CYB5R4: variants seen among roughly 807,000 people sequenced by gnomAD.
CYB5R4 encodes cytochrome b5 reductase 4, also known as N-terminal cytochrome b5 and cytochrome b5 oxidoreductase domain-containing protein.
A neutral mutation model predicts 70.2 loss-of-function variants in CYB5R4; 55 were observed. The observed-to-expected ratio is 0.78, with a 90% confidence interval of 0.63 to 0.98. CYB5R4 has a LOEUF of 0.98. Among genes scored for constraint, CYB5R4 ranks in the 50% least tolerant of loss-of-function variants. The pLI is 0.00. For missense variants in CYB5R4, 562 were observed against 612.6 expected, an observed-to-expected ratio of 0.92 and a Z score of 0.87; for synonymous variants, 197 against 199.5, an observed-to-expected ratio of 0.99 and a Z score of 0.11.
In CYB5R4 at chr6:83,888,008, T is replaced by A. The variant is rs548031132; in HGVS notation, c.230-5514T>A. Among the ~76,000 whole-genome samples the A allele has an allele frequency of 2.6e-5, 4 of 152,242 alleles. No individual in the cohort carries two copies. The East Asian group carries it at 7.7e-4, about 29-fold the overall frequency. Reference sequence around the variant, plus strand: ...GCCCATTTTTGCTGTTAATTATTATTAGGATTTAGGTTTTGCAGAACTCAC... The same window carrying A: ...GCCCATTTTTGCTGTTAATTATTATAAGGATTTAGGTTTTGCAGAACTCAC... On this transcript the variant is annotated intron_variant, in intron 2 of 15. Coordinates refer to ENST00000369681, the MANE Select transcript of CYB5R4 (RefSeq NM_016230.4).
At chr6:83,861,560 A>G (rs2099455936) in intron 1 of CYB5R4, among the ~76,000 whole-genome samples, 1 of 152,060 alleles carries the variant, frequency 6.6e-6, no homozygotes, top group Admixed American at 6.6e-5. Flanking sequence ...TTCTCTGGGT[A>G]CTCTGGTTTC....
At chr6:83,909,292 T>G (rs942744642) in intron 4 of CYB5R4, among the ~76,000 whole-genome samples, 2 of 152,244 alleles carry the variant, frequency 1.3e-5, no homozygotes, top group African/African-American at 2.4e-5. Context: ...TCGACTGTTG[T>G]TTAGAGAAAG....
intron 2 of CYB5R4, 114 bp from the exon 3 acceptor site, chr6:83,893,406 AAC>A (rs1345440818): frequency 1.3e-5 from 8 of 626,788 alleles, no homozygotes; most frequent in Non-Finnish European, 2.2e-5. Context: ...ACTTTGAAAT[AAC>A]AGTGATTAAT....
chr6:83,956,597 T>TCTTA (rs1221061274), intron 15 of CYB5R4, among the ~76,000 whole-genome samples: 1 of 152,138 alleles, frequency 6.6e-6, no homozygotes, highest in African/African-American at 2.4e-5. Flanking sequence ...GGTACTAGAC[T>TCTTA]CTTAGTTAAC....
intron 14 of CYB5R4, among the ~76,000 whole-genome samples, chr6:83,947,391 A>G (rs1275533399): frequency 1.3e-5 from 2 of 152,180 alleles, no homozygotes; most frequent in Non-Finnish European, 2.9e-5. Context: ...CTTACACCTT[A>G]TGCAAAAATT....
At chr6:83,882,466 T>C (rs1166703562) in intron 2 of CYB5R4, among the ~76,000 whole-genome samples, 1 of 152,178 alleles carries the variant, frequency 6.6e-6, no homozygotes. Flanking sequence ...TTGTGTCCAG[T>C]CGAGTTAATT....
Position 83,962,408 on chromosome 6 carries a change from A to G in CYB5R4, c.*2530A>G, listed in dbSNP as rs185315220. On this transcript the variant is annotated 3_prime_UTR_variant, in exon 16 of 16. Transcript: ENST00000369681. ...AGTTTATCACTGTTATTCTCAAGCA[A>G]ATAACTCAAAGACTCCTACATCACA... The G allele has an allele frequency of 2.6e-5, 4 of 152,338 alleles. No individual in the cohort carries two copies. The highest frequency in any genetic ancestry group is 6.5e-5 in the Admixed American group (1 of 15,298). The allele number at this position is 152,338 out of a possible 1,614,324, so 9.4% of individuals were successfully genotyped here.
At chr6:83,887,857 C>T (rs1174556412) in intron 2 of CYB5R4, among the ~76,000 whole-genome samples, 1 of 151,932 alleles carries the variant, frequency 6.6e-6, no homozygotes, top group African/African-American at 2.4e-5. Context: ...TCCCTAAATC[C>T]CCCCTTTGCC....
At chr6:83,872,666 C>A (rs2099457815) in intron 2 of CYB5R4, among the ~76,000 whole-genome samples, 1 of 152,088 alleles carries the variant, frequency 6.6e-6, no homozygotes, top group East Asian at 1.9e-4. Context: ...AAACTTCAAC[C>A]CTAGTTATTT....
chr6:83,901,666 C>G (rs2099462987), intron 3 of CYB5R4, among the ~76,000 whole-genome samples: 1 of 151,414 alleles, frequency 6.6e-6, no homozygotes, highest in Non-Finnish European at 1.5e-5. Context: ...TTTCTGAGTT[C>G]CCTTTTCTTT....
rs181047639 is a variant in CYB5R4, at chr6:83,962,403, A to C, written c.*2525A>C. ...AGTATAGTTTATCACTGTTATTCTC[A>C]AGCAAATAACTCAAAGACTCCTACA... On this transcript the variant is annotated 3_prime_UTR_variant, in exon 16 of 16. Transcript: ENST00000369681. 4.6e-5 allele frequency: 7 copies of C among 152,364 alleles called. No individual in the cohort carries two copies. Among genetic ancestry groups the C allele is most frequent in the African/African-American group, 1.7e-4 (7 of 41,588 alleles). The allele number at this position is 152,364 out of a possible 1,614,324, so 9.4% of individuals were successfully genotyped here.
chr6:83,939,991 G>T lies in CYB5R4; in HGVS notation c.1109-65G>T, dbSNP rs151320490. 7 of 1,233,258 alleles carry T rather than the reference G, an allele frequency of 5.7e-6. No homozygotes were observed. The Admixed American group carries it at 1.2e-4, about 21-fold the overall frequency. 76.4% of individuals were successfully genotyped at this position (1,233,258 alleles called of 1,614,324 possible). A position where few individuals can be genotyped will look rare whatever the true frequency, so the allele number is the denominator to read the frequency against. Reference sequence around the variant, plus strand: ...CTAGTTTTGGCTTCTTAGTTTCCCCGCTGGGTTTTTTGTTTTGTTTTTTGT... The same window carrying T: ...CTAGTTTTGGCTTCTTAGTTTCCCCTCTGGGTTTTTTGTTTTGTTTTTTGT... On this transcript the variant is annotated intron_variant, in intron 12 of 15. Transcript: ENST00000369681.
At chr6:83,896,036 T>C (rs955723665) in intron 3 of CYB5R4, among the ~76,000 whole-genome samples, 1 of 152,194 alleles carries the variant, frequency 6.6e-6, no homozygotes, top group Non-Finnish European at 1.5e-5. Context: ...TCAAATAATA[T>C]CAAGTCATTT....
intron 9 of CYB5R4, 42 bp from the exon 10 acceptor site, chr6:83,924,428 T>G: frequency 6.2e-7 from 1 of 1,600,340 alleles, no homozygotes. Flanking sequence ...AAATCTTGTA[T>G]TTAGTATCGA....
chr6:83,900,066 C>A (rs1007768187), intron 3 of CYB5R4, among the ~76,000 whole-genome samples: 18 of 152,194 alleles, frequency 1.2e-4, no homozygotes, highest in African/African-American at 4.1e-4. Flanking sequence ...GTTAGGGTGT[C>A]AATTTTGGAT....
intron 2 of CYB5R4, among the ~76,000 whole-genome samples, chr6:83,888,246 C>T (rs2099460560): frequency 6.6e-6 from 1 of 152,146 alleles, no homozygotes; most frequent in Non-Finnish European, 1.5e-5. Flanking sequence ...GAACCTTACA[C>T]ATGAGAGATT....
At position 83,893,508 on chromosome 6, in the gene CYB5R4, T is replaced by G. The variant is rs2099461445; in HGVS notation, c.230-14T>G. 6.7e-7 allele frequency: 1 copy of G among 1,501,500 alleles called. No individual in the cohort carries two copies. The highest frequency in any genetic ancestry group is 1.4e-5 in the African/African-American group (1 of 71,884). The allele number at this position is 1,501,500 out of a possible 1,614,324, so 93.0% of individuals were successfully genotyped here. A position where few individuals can be genotyped will look rare whatever the true frequency, so the allele number is the denominator to read the frequency against. ...AGTTCATTTAGGATATTATTTCTGT[T>G]TGCTTTGGTACAGGTTTCGTTTATA... On this transcript the variant is annotated splice_polypyrimidine_tract_variant and intron_variant, in intron 2 of 15. Coordinates refer to ENST00000369681, the MANE Select transcript of CYB5R4 (RefSeq NM_016230.4).
At chr6:83,862,248 A>G (rs1435056300) in intron 1 of CYB5R4, among the ~76,000 whole-genome samples, 1 of 152,228 alleles carries the variant, frequency 6.6e-6, no homozygotes. Flanking sequence ...GTGACACAGA[A>G]TATGCACTCA....
At chr6:83,942,342 G>C (rs948457117) in intron 14 of CYB5R4, among the ~76,000 whole-genome samples, 1 of 152,182 alleles carries the variant, frequency 6.6e-6, no homozygotes, top group Admixed American at 6.5e-5. Context: ...AGCATGGTGG[G>C]GTGTTGTCTC....
Sources: gnomAD v4.1 joint callset for allele counts (sites outside exome capture counted in the v4.1 genomes callset) on GRCh38, gnomAD v4.1.1 for gene constraint, MANE v1.5 for transcripts, NCBI Gene and HGNC (gene_info 2026-07-23, HGNC 2026-07-21) for gene names.